Variants in SHC2 observed in about 807,000 individuals in gnomAD.
SHC2 encodes SHC-transforming protein 2.
Under a neutral mutation model 60.6 loss-of-function variants are expected in SHC2, and 62 were observed. The ratio of observed to expected loss-of-function variants is 1.02; its 90% CI spans 0.83 to 1.26. The LOEUF (loss-of-function observed/expected upper bound fraction) is 1.26. Ranked by LOEUF, SHC2 falls within the 50% of genes most tolerant of loss-of-function variation. The pLI is 0.00. For synonymous variants in SHC2, 375 were observed against 372.4 expected, an observed-to-expected ratio of 1.01 and a Z score of -0.08; for missense variants, 873 against 822.2, an observed-to-expected ratio of 1.06 and a Z score of -0.76.
Position 425,225 on chromosome 19 carries a change from G to A in SHC2, c.1181C>T (p.Pro394Leu), listed in dbSNP as rs763220073. ...WDVGSTGTAP[P>L]GDGYVQADAR... is the part of the protein sequence containing the mutation. ...GTCCGCCTGCACGTAGCCGTCCCCC[G>A]GTGGAGCTGGGGAGTGTAAAGAGGG... is the stretch of plus-strand genomic sequence containing the variant. The change falls in exon 10 of 13, where the codon CCG becomes CTG. Residue 394 changes from proline (P) to leucine (L), a missense_variant. By Grantham distance (98) the Pro-to-Leu change is moderately conservative (BLOSUM62 -3). Coordinates refer to ENST00000264554, the MANE Select transcript of SHC2 (RefSeq NM_012435.3). This position sits in a 1 kb window ranked among gnomAD's most constrained non-coding sequence, Gnocchi z 4.1. The A allele has an allele frequency of 8.9e-5, 119 of 1,336,544 alleles. No homozygotes were observed. The highest frequency in any genetic ancestry group is 1.1e-4 in the Non-Finnish European group (112 of 1,034,140). The allele number at this position is 1,336,544 out of a possible 1,614,324, so 82.8% of individuals were successfully genotyped here. A position where few individuals can be genotyped will look rare whatever the true frequency, so the allele number is the denominator to read the frequency against.
chr19:426,421 C>T (rs1974419204), intron 9 of SHC2, among the ~76,000 whole-genome samples: 1 of 119,312 alleles, frequency 8.4e-6, no homozygotes, highest in Non-Finnish European at 1.7e-5. Context: ...GGAGGGAGGA[C>T]GACACCGAGA....
intron 1 of SHC2, among the ~76,000 whole-genome samples, chr19:448,959 CCTG>C (rs1975109985): frequency 1.3e-5 from 2 of 151,754 alleles, no homozygotes; most frequent in African/African-American, 4.9e-5. Flanking sequence ...TCAAGACCAG[CCTG>C]GGCAACATGG....
rs2145739344 is a variant in SHC2 at position 445,831 on chromosome 19, T to G, written c.469-4899A>C. 6.6e-6 allele frequency among the ~76,000 whole-genome samples: 1 copy of G among 152,054 alleles called. No individual in the cohort carries two copies. The highest frequency in any genetic ancestry group is 1.9e-4 in the East Asian group (1 of 5,170). On this transcript the variant is annotated intron_variant, in intron 1 of 12. Coordinates refer to ENST00000264554, the MANE Select transcript of SHC2 (RefSeq NM_012435.3). The surrounding 1 kb of genome is among the most constrained non-coding windows in gnomAD (Gnocchi z 4.4). ...AGTGGATCACTTGAGGTCAGGAGTT[T>G]GAGACTAGCCTGGCCAACATGGAGA... is the stretch of plus-strand genomic sequence containing the variant.
chr19:449,758 T>C (rs1360216664), intron 1 of SHC2, among the ~76,000 whole-genome samples: 1 of 152,156 alleles, frequency 6.6e-6, no homozygotes, highest in Non-Finnish European at 1.5e-5. Context: ...CAAAACCGTG[T>C]CTCAATAATG....
chr19:440,084 C>G lies in SHC2; in HGVS notation c.539+778G>C, dbSNP rs1288070732. Among the ~76,000 whole-genome samples the G allele has an allele frequency of 4.3e-5, 5 of 117,170 alleles. No individual in the cohort carries two copies. The highest frequency in any genetic ancestry group is 6.2e-5 in the Non-Finnish European group (4 of 64,814). 76.9% of individuals were successfully genotyped at this position (117,170 alleles called of 152,430 possible). ...CCCAGGCCACAGCGCGGACACACCT[C>G]GGGAACGCCATGCTCAGTGAGAGAC... On this transcript the variant is annotated intron_variant, in intron 2 of 12. Coordinates refer to ENST00000264554, the MANE Select transcript of SHC2 (RefSeq NM_012435.3). This position sits in a 1 kb window ranked among gnomAD's most constrained non-coding sequence, Gnocchi z 7.0.
At chr19:436,325 A>G (rs1974717086) in intron 6 of SHC2, 34 bp from the exon 7 acceptor site, 1 of 1,589,248 alleles carries the variant, frequency 6.3e-7, no homozygotes, top group Non-Finnish European at 8.6e-7. Context: ...CCTCCGAGCC[A>G]CACGGCCGTG....
intron 12 of SHC2, among the ~76,000 whole-genome samples, chr19:417,838 G>T (rs376846531): frequency 3.9e-5 from 6 of 152,184 alleles, no homozygotes; most frequent in African/African-American, 1.4e-4. Flanking sequence ...GGTGGAGGCC[G>T]CGGCCGCATA....
chr19:446,914 G>A lies in SHC2; in HGVS notation c.469-5982C>T, dbSNP rs750962037. Reference sequence around the variant, plus strand: ...GTCTGCACTCCCAGCCTGGGAGACCGTCCGAGTCTCCGCCACCGCCCACGC... The same window carrying A: ...GTCTGCACTCCCAGCCTGGGAGACCATCCGAGTCTCCGCCACCGCCCACGC... On this transcript the variant is annotated intron_variant, in intron 1 of 12. Transcript: ENST00000264554. The surrounding 1 kb of genome is among the most constrained non-coding windows in gnomAD (Gnocchi z 5.4). 4.6e-5 allele frequency among the ~76,000 whole-genome samples: 7 copies of A among 152,226 alleles called. No individual in the cohort carries two copies. The highest frequency in any genetic ancestry group is 3.4e-3 in the Middle Eastern group (1 of 294).
chr19:438,300 C>T lies in SHC2; in HGVS notation c.720+418G>A, dbSNP rs538449321. On this transcript the variant is annotated intron_variant, in intron 4 of 12. Coordinates refer to ENST00000264554, the MANE Select transcript of SHC2 (RefSeq NM_012435.3). This position sits in a 1 kb window ranked among gnomAD's most constrained non-coding sequence, Gnocchi z 5.0. ...GGCCTCACAGTGCTGGGGTTACAGG[C>T]GTGAGCAACCAAGCCCGAGCCTGGT... Among the ~76,000 whole-genome samples the T allele has an allele frequency of 1.1e-4, 17 of 152,352 alleles. No homozygotes were observed. In the South Asian group the frequency reaches 3.3e-3, roughly 30 times the overall value.
rs2075018 is a variant in SHC2 at position 440,478 on chromosome 19, G to C, written c.539+384C>G. Among the ~76,000 whole-genome samples the C allele has an allele frequency of 0.21, 32,378 of 152,058 alleles. 7,727 individuals carry two copies. Among genetic ancestry groups the C allele is most frequent in the African/African-American group, 0.57 (23,692 of 41,408 alleles). On this transcript the variant is annotated intron_variant, in intron 2 of 12. Coordinates refer to ENST00000264554, the MANE Select transcript of SHC2 (RefSeq NM_012435.3). The surrounding 1 kb of genome is among the most constrained non-coding windows in gnomAD (Gnocchi z 7.0). ...GGCCATATCCACAGCCCCTGTGATT[G>C]CTTTCCAGACACCGCATAGCATCCT...
chr19:449,014 A>G (rs1284682397), intron 1 of SHC2, among the ~76,000 whole-genome samples: 2 of 149,032 alleles, frequency 1.3e-5, no homozygotes, highest in African/African-American at 5.2e-5. Flanking sequence ...ACAAAAATAC[A>G]AAAAGTAGCC....
rs572952452 is a variant in SHC2 at position 455,249 on chromosome 19, G to A, written c.468+5280C>T. 2.6e-5 allele frequency among the ~76,000 whole-genome samples: 4 copies of A among 152,328 alleles called. No homozygotes were observed. The East Asian group carries it at 7.7e-4, about 29-fold the overall frequency. ...ACAATCAAGGTCCCTTTGGCGCCCA[G>A]CAGCTCCGAGTCAGGTCTGTGGTGA... is the stretch of plus-strand genomic sequence containing the variant. On this transcript the variant is annotated intron_variant, in intron 1 of 12. Transcript: ENST00000264554.
At chr19:427,603 G>C (rs1196513565) in intron 9 of SHC2, among the ~76,000 whole-genome samples, 1 of 127,580 alleles carries the variant, frequency 7.8e-6, no homozygotes, top group Non-Finnish European at 1.7e-5. Flanking sequence ...CACGGCGCAG[G>C]GAAGGGGAAT....
intron 4 of SHC2, among the ~76,000 whole-genome samples, chr19:437,562 G>C: frequency 6.6e-6 from 1 of 152,212 alleles, no homozygotes; most frequent in South Asian, 2.1e-4. Flanking sequence ...GCCCAGCCAG[G>C]AGGGTCTGCT....
chr19:444,850 C>A (rs1353058585), intron 1 of SHC2, among the ~76,000 whole-genome samples: 1 of 152,232 alleles, frequency 6.6e-6, no homozygotes. Context: ...ACACTGTGCA[C>A]GTGGTCTGTT....
chr19:440,717 A>T lies in SHC2; in HGVS notation c.539+145T>A. On this transcript the variant is annotated intron_variant, in intron 2 of 12. Coordinates refer to ENST00000264554, the MANE Select transcript of SHC2 (RefSeq NM_012435.3). This position sits in a 1 kb window ranked among gnomAD's most constrained non-coding sequence, Gnocchi z 7.0. ...GGGACAGGGCGGAGACGTGGCGTGA[A>T]GTGGGAGGGAGGTGGGGGGCACCGA... is the stretch of plus-strand genomic sequence containing the variant. 1.4e-6 allele frequency: 1 copy of T among 693,780 alleles called. No homozygotes were observed. Among genetic ancestry groups the T allele is most frequent in the Non-Finnish European group, 2.6e-6 (1 of 388,972 alleles). 43.0% of individuals were successfully genotyped at this position (693,780 alleles called of 1,614,324 possible).
chr19:428,119 G>C (rs979855147), intron 9 of SHC2, among the ~76,000 whole-genome samples: 3 of 152,194 alleles, frequency 2.0e-5, no homozygotes, highest in African/African-American at 7.2e-5. Flanking sequence ...CAGCTACTCT[G>C]GAGTGTTAGG....
At chr19:436,589 G>A (rs549869590) in intron 5 of SHC2, 41 bp downstream of exon 5, 1 of 1,593,812 alleles carries the variant, frequency 6.3e-7, no homozygotes, top group Non-Finnish European at 8.5e-7. Context: ...GGCCGGAGGG[G>A]GGCGGCAGGG....
intron 9 of SHC2, among the ~76,000 whole-genome samples, chr19:429,253 A>G (rs1348122411): frequency 6.7e-6 from 1 of 148,762 alleles, no homozygotes; most frequent in African/African-American, 2.5e-5. Context: ...ACCTATACCC[A>G]ACATGCACGG....
Sources: allele counts gnomAD v4.1 joint callset (sites outside exome capture counted in the v4.1 genomes callset), GRCh38; gene constraint gnomAD v4.1.1; non-coding constraint Gnocchi (gnomAD v3.1); transcripts MANE v1.5; gene names NCBI Gene and HGNC (gene_info 2026-07-23, HGNC 2026-07-21).